HDAC9: variants seen among roughly 807,000 people sequenced by gnomAD.
HDAC9 encodes MEF-2 interacting transcription repressor (MITR) protein.
In HDAC9, 41 loss-of-function variants were observed where a neutral mutation model predicts 139.4. That is an observed-to-expected ratio of 0.29 (90% CI 0.23 to 0.38). HDAC9 has a LOEUF of 0.38. Ranked by LOEUF, HDAC9 falls within the 10% of genes least tolerant of loss-of-function variation. HDAC9 has a pLI of 1.00. For missense variants in HDAC9, 1,147 were observed against 1,297.0 expected, an observed-to-expected ratio of 0.88 and a Z score of 1.78; for synonymous variants, 517 against 476.2, an observed-to-expected ratio of 1.09 and a Z score of -1.12.
At chr7:18,259,764 AT>A (rs1322428267) in intron 2 of HDAC9, among the ~76,000 whole-genome samples, 1 of 152,158 alleles carries the variant, frequency 6.6e-6, no homozygotes, top group Non-Finnish European at 1.5e-5. Flanking sequence ...AGAATTTAAT[AT>A]TTACCCTTTA....
chr7:18,545,077 CCAAA>C (rs1814328484), intron 2 of HDAC9, among the ~76,000 whole-genome samples: 1 of 152,124 alleles, frequency 6.6e-6, no homozygotes, highest in Non-Finnish European at 1.5e-5. Flanking sequence ...TGATCTGGCT[CCAAA>C]CGTCAATGGT....
intron 2 of HDAC9, among the ~76,000 whole-genome samples, chr7:18,521,796 A>T (rs188323461): frequency 4.6e-5 from 7 of 152,292 alleles, no homozygotes; most frequent in African/African-American, 7.2e-5. Flanking sequence ...TATTGTTTTT[A>T]AAAAAACATT....
At chr7:18,567,522 G>A (rs1175239093) in intron 2 of HDAC9, among the ~76,000 whole-genome samples, 6 of 152,016 alleles carry the variant, frequency 3.9e-5, no homozygotes, top group Non-Finnish European at 8.8e-5. Context: ...TATTCTACTG[G>A]TCTAATCTAA....
intron 14 of HDAC9, among the ~76,000 whole-genome samples, chr7:18,753,573 TA>T (rs1412015272): frequency 1.3e-5 from 2 of 151,952 alleles, no homozygotes; most frequent in Non-Finnish European, 2.9e-5. Flanking sequence ...ATTAATGAAA[TA>T]AAAAAATACA....
intron 21 of HDAC9, among the ~76,000 whole-genome samples, chr7:18,858,927 C>G (rs986530359): frequency 6.6e-6 from 1 of 152,130 alleles, no homozygotes; most frequent in African/African-American, 2.4e-5. Context: ...CATGATATGC[C>G]TTCATTGCCT....
upstream of HDAC9, among the ~76,000 whole-genome samples, chr7:18,494,796 CATAT>C (rs113380939): frequency 0.018 from 2,786 of 152,080 alleles, 85 homozygotes; most frequent in African/African-American, 0.064. Context: ...GGGTACTAAC[CATAT>C]ATATGATTTA....
At chr7:18,103,327 T>C (rs1343913545) in intron 1 of HDAC9, among the ~76,000 whole-genome samples, 1 of 152,198 alleles carries the variant, frequency 6.6e-6, no homozygotes, top group Non-Finnish European at 1.5e-5. Flanking sequence ...AGTGACATTT[T>C]TACTTTATTA....
rs527327745 is a variant in HDAC9 at position 18,312,530 on chromosome 7, G to C, written c.-42+22015G>C. ...TGGGTTTTCCAAAATTAATTTAACA[G>C]ATCCTCTGTTAGAAGACATTAGGTA... On this transcript the variant is annotated intron_variant, in intron 1 of 3. Coordinates refer to the HDAC9 transcript ENST00000413509. Among the ~76,000 whole-genome samples the C allele has an allele frequency of 5.3e-5, 8 of 152,226 alleles. No homozygotes were observed. In the South Asian group the frequency reaches 1.7e-3, roughly 32 times the overall value.
intron 2 of HDAC9, among the ~76,000 whole-genome samples, chr7:18,567,743 A>AT (rs1166144434): frequency 1.3e-5 from 2 of 152,078 alleles, no homozygotes; most frequent in Non-Finnish European, 2.9e-5. Context: ...GAAGCACAAA[A>AT]TTTCTGTAGT....
intron 19 of HDAC9, among the ~76,000 whole-genome samples, chr7:18,832,791 A>C (rs1795953030): frequency 6.6e-6 from 1 of 152,106 alleles, no homozygotes; most frequent in African/African-American, 2.4e-5. Context: ...GCTGGAGTGC[A>C]ATGGCACGAT....
chr7:18,929,768 C>T (rs947332993), intron 22 of HDAC9, among the ~76,000 whole-genome samples: 4 of 151,920 alleles, frequency 2.6e-5, no homozygotes, highest in Admixed American at 6.6e-5. Context: ...GGTGAAACCG[C>T]GTCTCTACTA....
At chr7:18,212,853 G>T (rs563081424) in intron 2 of HDAC9, among the ~76,000 whole-genome samples, 1 of 152,294 alleles carries the variant, frequency 6.6e-6, no homozygotes, top group East Asian at 1.9e-4. Context: ...TAATGTAAAT[G>T]CCCTGTGCCT....
chr7:18,144,331 A>G (rs73315761), intron 1 of HDAC9, among the ~76,000 whole-genome samples: 1 of 152,154 alleles, frequency 6.6e-6, no homozygotes, highest in African/African-American at 2.4e-5. Flanking sequence ...GTTCCTGATT[A>G]CTGTAACTGG....
Position 18,835,949 on chromosome 7 carries a change from G to T in HDAC9, c.2636G>T (p.Gly879Val). Residue 879 changes from glycine (G) to valine (V), a missense_variant, in exon 21 of 26, where the codon GGT becomes GTT. Around this residue, in one of 7 missense-constraint regions of HDAC9, gnomAD observed 407 missense variants for 521.5 expected, o/e 0.78. Coordinates refer to ENST00000686413, the MANE Select transcript of HDAC9 (RefSeq NM_178425.4). ...EGYNINIAWTGGLDPPMGDVE... is the reference protein window; with the variant it reads ...EGYNINIAWTVGLDPPMGDVE... ...TACAATATAAATATTGCCTGGACAG[G>T]TGGCCTTGATCCTCCCATGGGAGAT... is the stretch of plus-strand genomic sequence containing the variant. 1 of 1,566,228 alleles carries T rather than the reference G, an allele frequency of 6.4e-7. No homozygotes were observed. Among genetic ancestry groups the T allele is most frequent in the Non-Finnish European group, 8.7e-7 (1 of 1,153,838 alleles).
chr7:18,528,765 A>G (rs1807801730), intron 2 of HDAC9, among the ~76,000 whole-genome samples: 1 of 152,304 alleles, frequency 6.6e-6, no homozygotes, highest in African/African-American at 2.4e-5. Flanking sequence ...GGGACTTATT[A>G]TGGAATATAG....
chr7:18,608,057 A>G (rs1362249730), intron 6 of HDAC9, among the ~76,000 whole-genome samples: 1 of 152,178 alleles, frequency 6.6e-6, no homozygotes, highest in Admixed American at 6.5e-5. Context: ...GATTTATTGA[A>G]AAATGATTCC....
chr7:18,200,993 C>A (rs1791076733), intron 2 of HDAC9, among the ~76,000 whole-genome samples: 1 of 152,108 alleles, frequency 6.6e-6, no homozygotes, highest in Non-Finnish European at 1.5e-5. Context: ...AATGCTGGAG[C>A]CTGTAGGTGC....
chr7:18,255,626 CTTT>C (rs11386457), intron 2 of HDAC9, among the ~76,000 whole-genome samples: 2 of 113,604 alleles, frequency 1.8e-5, no homozygotes, highest in South Asian at 3.1e-4. Context: ...TTTTTCTTTC[CTTT>C]TTTTTTTTTT....
intron 1 of HDAC9, among the ~76,000 whole-genome samples, chr7:18,476,164 G>A (rs1042868017): frequency 6.6e-6 from 1 of 152,058 alleles, no homozygotes; most frequent in Non-Finnish European, 1.5e-5. Context: ...GAAATAGCAG[G>A]TGTAATGTTT....
Sources: gnomAD v4.1 joint callset for allele counts (sites outside exome capture counted in the v4.1 genomes callset) on GRCh38, gnomAD v4.1.1 for gene constraint, gnomAD v4.1.1 regional missense constraint, MANE v1.5 for transcripts, NCBI Gene and HGNC (gene_info 2026-07-23, HGNC 2026-07-21) for gene names.